The following CLIC2 variants were observed in gnomAD, a reference collection of about 807,000 sequenced individuals.
The protein encoded by CLIC2 is chloride intracellular channel protein 2.
Under a neutral mutation model 14.8 loss-of-function variants are expected in CLIC2, and 9 were observed. The ratio of observed to expected loss-of-function variants is 0.61; its 90% CI spans 0.37 to 1.06. The LOEUF is 1.06. CLIC2 is among the 50% of genes least tolerant of loss of function. The pLI, the probability that CLIC2 is intolerant of heterozygous loss-of-function variation, is 0.01. For missense variants in CLIC2, 148 were observed against 181.4 expected (o/e 0.82, Z 1.06); for synonymous variants, 61 against 66.3 (o/e 0.92, Z 0.39).
At chrX:155,286,985 G>A (rs902925614) in intron 3 of CLIC2, among the ~76,000 whole-genome samples, 1 of 112,286 alleles carries the variant, frequency 8.9e-6, no homozygotes, top group Non-Finnish European at 1.9e-5. Flanking sequence ...AATCCCATTT[G>A]TCAATTTTTG....
chrX:155,301,486 A>G (rs1488939910), intron 1 of CLIC2, among the ~76,000 whole-genome samples: 5 of 108,452 alleles, frequency 4.6e-5, no homozygotes, highest in East Asian at 2.9e-4. Flanking sequence ...GGGCTGAGAC[A>G]ATGGGGTTTT....
chrX:155,311,458 C>T (rs1316377511), intron 1 of CLIC2, among the ~76,000 whole-genome samples: 1 of 111,604 alleles, frequency 9.0e-6, no homozygotes, highest in Non-Finnish European at 1.9e-5. Context: ...CCATCTGAGA[C>T]CACCTCAGCC....
chrX:155,328,616 CAA>C (rs201581431), intron 1 of CLIC2, among the ~76,000 whole-genome samples: 4,983 of 110,676 alleles, frequency 0.045, 285 homozygotes, highest in African/African-American at 0.16. Context: ...ATCAAAATGA[CAA>C]AGACATATAT....
chrX:155,293,515 A>AG (rs2074982162), intron 3 of CLIC2: 4 of 473,880 alleles, frequency 8.4e-6, no homozygotes, highest in Non-Finnish European at 1.5e-5. Context: ...GAGAAAAAAA[A>AG]CAAAGAATAT....
intron 1 of CLIC2, among the ~76,000 whole-genome samples, chrX:155,328,920 A>G (rs2075147571): frequency 1.8e-5 from 2 of 111,262 alleles, no homozygotes; most frequent in Admixed American, 1.9e-4. Flanking sequence ...GAATGAAACT[A>G]GACCCCTATC....
At chrX:155,307,563 C>T (rs1557320147) in intron 1 of CLIC2, among the ~76,000 whole-genome samples, 1 of 112,083 alleles carries the variant, frequency 8.9e-6, no homozygotes, top group Non-Finnish European at 1.9e-5. Context: ...AAGAACACAA[C>T]TCAACAACTA....
In CLIC2 at chrX:155,299,243, G is replaced by T. The variant is rs782218666; in HGVS notation, c.58-98C>A. The T allele has an allele frequency of 2.6e-5, 16 of 625,156 alleles. No individual in the cohort carries two copies. The South Asian group carries it at 3.5e-4, about 14-fold the overall frequency. 51.5% of individuals were successfully genotyped at this position (625,156 alleles called of 1,213,427 possible). ...GAGCCAGTTGCTAGAGACAAACATGGACATTCTTAATCTCATGTACTCCAT... is the reference window on the plus strand; with the variant it reads ...GAGCCAGTTGCTAGAGACAAACATGTACATTCTTAATCTCATGTACTCCAT... On this transcript the variant is annotated intron_variant, in intron 1 of 5. Coordinates refer to ENST00000369449, the MANE Select transcript of CLIC2 (RefSeq NM_001289.6).
chrX:155,304,912 C>A (rs1255382121), intron 1 of CLIC2, among the ~76,000 whole-genome samples: 3 of 102,847 alleles, frequency 2.9e-5, no homozygotes, highest in Non-Finnish European at 6.0e-5. Flanking sequence ...GGTCAGGGAC[C>A]CACTTGAGGA....
chrX:155,308,893 C>A (rs1360335002), intron 1 of CLIC2, among the ~76,000 whole-genome samples: 1 of 111,194 alleles, frequency 9.0e-6, no homozygotes, highest in Non-Finnish European at 1.9e-5. Context: ...ACCAGATATA[C>A]CCTACAAGAA....
intron 5 of CLIC2, among the ~76,000 whole-genome samples, chrX:155,278,447 T>G (rs1456231313): frequency 8.9e-6 from 1 of 112,164 alleles, no homozygotes; most frequent in Admixed American, 9.4e-5. Context: ...GTCTATGCAA[T>G]AAATATTTAT....
At chrX:155,313,132 G>A (rs1193599030) in intron 1 of CLIC2, among the ~76,000 whole-genome samples, 3 of 103,741 alleles carry the variant, frequency 2.9e-5, no homozygotes, top group East Asian at 6.3e-4. Context: ...TGGATCACTT[G>A]AGCCCAGGAG....
At chrX:155,282,533 G>C (rs2124151336) in intron 3 of CLIC2, among the ~76,000 whole-genome samples, 1 of 111,023 alleles carries the variant, frequency 9.0e-6, no homozygotes, top group East Asian at 2.8e-4. Flanking sequence ...TTGGGCAGTA[G>C]GCCAGCCCTT....
intron 5 of CLIC2, chrX:155,278,940 G>GA (rs370722843): frequency 7.0e-4 from 275 of 391,451 alleles, no homozygotes; most frequent in Middle Eastern, 2.1e-3. Flanking sequence ...TCTCAAAAAA[G>GA]AAAAAAAAAG....
intron 1 of CLIC2, among the ~76,000 whole-genome samples, chrX:155,321,939 C>G (rs1253189290): frequency 8.1e-5 from 9 of 110,566 alleles, no homozygotes; most frequent in African/African-American, 3.0e-4. Flanking sequence ...AAATTTAAAC[C>G]AACAAAGATC....
At chrX:155,333,871 C>T (rs1224722760) in intron 1 of CLIC2, among the ~76,000 whole-genome samples, 1 of 110,159 alleles carries the variant, frequency 9.1e-6, no homozygotes, top group Non-Finnish European at 1.9e-5. Flanking sequence ...GATGTTTGTC[C>T]ATTGTAGAAG....
At chrX:155,293,688 G>A (rs2074982860) in intron 3 of CLIC2, among the ~76,000 whole-genome samples, 1 of 111,728 alleles carries the variant, frequency 9.0e-6, no homozygotes, top group African/African-American at 3.3e-5. Flanking sequence ...CACTAGTAAA[G>A]ACACATATAG....
rs1171392348 is a variant in CLIC2 at position 155,304,846 on chromosome X, G to A, written c.58-5701C>T. Among the ~76,000 whole-genome samples, 7 of 89,372 alleles carry A rather than the reference G, an allele frequency of 7.8e-5. 1 individual carries two copies. The South Asian group carries it at 2.6e-3, about 33-fold the overall frequency. The allele number at this position is 89,372 out of a possible 115,157, so 77.6% of individuals were successfully genotyped here. ...CTGTTGGAGTACCCTGCCGTGTGAGGTGTCAGTGTGCCCCTGCTGGGGGGT... is the reference window on the plus strand; with the variant it reads ...CTGTTGGAGTACCCTGCCGTGTGAGATGTCAGTGTGCCCCTGCTGGGGGGT... On this transcript the variant is annotated intron_variant, in intron 1 of 5. Coordinates refer to ENST00000369449, the MANE Select transcript of CLIC2 (RefSeq NM_001289.6).
chrX:155,324,917 G>GA (rs1388137092), intron 1 of CLIC2, among the ~76,000 whole-genome samples: 7 of 111,647 alleles, frequency 6.3e-5, no homozygotes, highest in Admixed American at 4.7e-4. Flanking sequence ...AAATTTACAA[G>GA]AAAAAACCAA....
intron 1 of CLIC2, among the ~76,000 whole-genome samples, chrX:155,322,280 A>T (rs2124213272): frequency 8.9e-6 from 1 of 111,952 alleles, no homozygotes; most frequent in South Asian, 3.7e-4. Flanking sequence ...CATCACACTT[A>T]TTCTAAAATT....
Sources: gnomAD v4.1 joint callset for allele counts (sites outside exome capture counted in the v4.1 genomes callset) on GRCh38, gnomAD v4.1.1 for gene constraint, MANE v1.5 for transcripts, NCBI Gene and HGNC (gene_info 2026-07-23, HGNC 2026-07-21) for gene names.